The following PCDHA10 variants were observed in gnomAD, a reference collection of about 807,000 sequenced individuals.
The protein encoded by PCDHA10 is protocadherin alpha 10, also known as protocadherin alpha-10.
PCDHA10 carries 45 observed loss-of-function variants against 61.2 expected under a neutral mutation model. The observed-to-expected ratio is 0.74, with a 90% CI of 0.58 to 0.94. The LOEUF (loss-of-function observed/expected upper bound fraction) is 0.94, where lower values mean the gene tolerates loss of function less well. PCDHA10 is among the 40% of genes least tolerant of loss of function. The probability of loss-of-function intolerance (pLI) is 0.00; values close to 1 mark genes in which losing one functional copy is unlikely to be tolerated. For missense variants in PCDHA10, 1,278 were observed against 1,236.2 expected (o/e 1.03, Z -0.51); for synonymous variants, 602 against 548.8 (o/e 1.10, Z -1.35).
chr5:140,858,305 C>A lies in PCDHA10; in HGVS notation c.2257C>A (p.Arg753=). Residue 753 remains arginine, a synonymous_variant, in exon 1 of 4, where the codon CGG becomes AGG. Coordinates refer to ENST00000307360, the MANE Select transcript of PCDHA10 (RefSeq NM_018901.4). ...GAGCTGGTCTTACTCGCAGCAGAGG[C>A]GGCAGAGGGTGTGTTCTGGGGAGGG... ...VGSWSYSQQR[R]QRVCSGEGLP... 6.3e-7 allele frequency: 1 copy of A among 1,597,172 alleles called. No homozygotes were observed.
intron 1 of PCDHA10, among the ~76,000 whole-genome samples, chr5:140,896,197 T>G (rs911999135): frequency 2.0e-5 from 3 of 152,280 alleles, no homozygotes; most frequent in Non-Finnish European, 2.9e-5. Flanking sequence ...AGTGCCATGA[T>G]GAACATACAC....
intron 1 of PCDHA10, among the ~76,000 whole-genome samples, chr5:140,911,609 C>T (rs1554194830): frequency 6.6e-6 from 1 of 152,170 alleles, no homozygotes; most frequent in Non-Finnish European, 1.5e-5. Flanking sequence ...TCATTATGTT[C>T]CTTAGTTCCC....
At position 140,883,117 on chromosome 5, in the gene PCDHA10, G is replaced by T. The variant is rs782191143; in HGVS notation, c.2388+24681G>T. Reference sequence around the variant, plus strand: ...GAGATATAGTTTACTCATTTAGAAGGCCTGTATGGCCTGCAGTGGTATATG... The same window carrying T: ...GAGATATAGTTTACTCATTTAGAAGTCCTGTATGGCCTGCAGTGGTATATG... On this transcript the variant is annotated intron_variant, in intron 1 of 3. Transcript: ENST00000307360. 2.5e-6 allele frequency: 4 copies of T among 1,613,898 alleles called. No homozygotes were observed. Among genetic ancestry groups the T allele is most frequent in the Admixed American group, 3.3e-5 (2 of 59,964 alleles).
intron 1 of PCDHA10, among the ~76,000 whole-genome samples, chr5:140,921,337 C>T (rs1339756681): frequency 6.6e-6 from 1 of 152,082 alleles, no homozygotes; most frequent in Non-Finnish European, 1.5e-5. Flanking sequence ...GGTCCAATCA[C>T]ATAATATATT....
intron 1 of PCDHA10, among the ~76,000 whole-genome samples, chr5:140,976,681 A>T (rs2096726641): frequency 6.6e-6 from 1 of 152,206 alleles, no homozygotes; most frequent in Non-Finnish European, 1.5e-5. Context: ...TCATTTTTGC[A>T]ATTTAAGTAC....
Position 140,884,627 on chromosome 5 carries a change from G to C in PCDHA10, c.2388+26191G>C, listed in dbSNP as rs140550923. On this transcript the variant is annotated intron_variant, in intron 1 of 3. Transcript: ENST00000307360. ...TTGTCTGGGTTCTGCAGAGGGAACA[G>C]GCCAGAGGGAGGAGGACTCAGAATG... The C allele has an allele frequency of 4.8e-5, 77 of 1,612,780 alleles. No individual in the cohort carries two copies. In the African/African-American group the frequency reaches 8.8e-4, roughly 18 times the overall value.
At chr5:140,915,264 G>A (rs536821921) in intron 1 of PCDHA10, among the ~76,000 whole-genome samples, 9 of 151,876 alleles carry the variant, frequency 5.9e-5, no homozygotes, top group Non-Finnish European at 1.3e-4. Context: ...TATTATTTTT[G>A]ACCAGTTCAT....
chr5:140,928,081 C>T (rs782268064), intron 1 of PCDHA10: 1 of 1,614,090 alleles, frequency 6.2e-7, no homozygotes, highest in Non-Finnish European at 8.5e-7. Context: ...CTACTACAGC[C>T]TGCTGATTGA....
intron 1 of PCDHA10, among the ~76,000 whole-genome samples, chr5:140,885,615 AAT>A (rs1411025177): frequency 6.6e-6 from 1 of 152,162 alleles, no homozygotes; most frequent in African/African-American, 2.4e-5. Context: ...TTAATTATAA[AAT>A]ATGTCACTGG....
At chr5:140,970,920 G>A (rs957123423) in intron 1 of PCDHA10, among the ~76,000 whole-genome samples, 2 of 152,266 alleles carry the variant, frequency 1.3e-5, no homozygotes, top group Non-Finnish European at 2.9e-5. Flanking sequence ...TTTATCAGAA[G>A]TGCCTGGTGT....
chr5:140,941,185 C>CTTT (rs782102770), intron 1 of PCDHA10, among the ~76,000 whole-genome samples: 77 of 102,238 alleles, frequency 7.5e-4, no homozygotes, highest in Admixed American at 3.0e-3. Flanking sequence ...CATCCTGCTT[C>CTTT]TTTTTTTTTC....
At chr5:140,928,855 C>T (rs781997277) in intron 1 of PCDHA10, 1 of 1,614,184 alleles carries the variant, frequency 6.2e-7, no homozygotes, top group Non-Finnish European at 8.5e-7. Context: ...TCTGGGTGTG[C>T]TGTTGAGCAA....
intron 1 of PCDHA10, among the ~76,000 whole-genome samples, chr5:140,960,655 T>C (rs2153725891): frequency 6.6e-6 from 1 of 152,296 alleles, no homozygotes; most frequent in East Asian, 1.9e-4. Context: ...TCCAAATCAA[T>C]GAATGCTTTG....
At chr5:140,941,214 C>CCTTTCTTTCTTCCTTTCTTT (rs2092876516) in intron 1 of PCDHA10, among the ~76,000 whole-genome samples, 18 of 122,412 alleles carry the variant, frequency 1.5e-4, no homozygotes, top group Non-Finnish European at 2.9e-4. Context: ...TTTCTTTCTT[C>CCTTTCTTTCTTCCTTTCTTT]CTTTCTTTCT....
chr5:140,856,465 C>G lies in PCDHA10; in HGVS notation c.417C>G (p.Leu139=), dbSNP rs2044013823. The part of the protein sequence containing the change: ...PPRFSVTEQK[L]SIPESRLLDS... ...GGTTCTCCGTAACAGAACAAAAGCT[C>G]TCAATACCTGAATCCAGACTGCTTG... Residue 139 remains leucine (L), a synonymous_variant, in exon 1 of 4, where the codon CTC becomes CTG. Transcript: ENST00000307360. 1 of 1,598,234 alleles carries G rather than the reference C, an allele frequency of 6.3e-7. No individual in the cohort carries two copies. The highest frequency in any genetic ancestry group is 8.6e-7 in the Non-Finnish European group (1 of 1,167,922).
At chr5:140,942,580 G>A (rs782743450) in intron 1 of PCDHA10, among the ~76,000 whole-genome samples, 4 of 151,104 alleles carry the variant, frequency 2.6e-5, no homozygotes, top group Non-Finnish European at 5.9e-5. Flanking sequence ...TCCCATATAG[G>A]ATGTCACATA....
intron 1 of PCDHA10, among the ~76,000 whole-genome samples, chr5:140,879,542 GA>G (rs1281717017): frequency 6.6e-6 from 1 of 152,104 alleles, no homozygotes; most frequent in African/African-American, 2.4e-5. Context: ...CTCCTTTAGA[GA>G]AAAAAATAAT....
At chr5:140,920,794 A>G (rs1433275588) in intron 1 of PCDHA10, among the ~76,000 whole-genome samples, 2 of 151,776 alleles carry the variant, frequency 1.3e-5, no homozygotes, top group Admixed American at 6.6e-5. Flanking sequence ...CAGGGAACCA[A>G]GATCACGCCA....
Position 140,876,841 on chromosome 5 carries a change from C to T in PCDHA10, c.2388+18405C>T, listed in dbSNP as rs782712356. ...GAACGACAATGCGCCTGCGTTCGCGCAGCCCGAGTACACAGTGTTCGTGAA... is the reference window on the plus strand; with the variant it reads ...GAACGACAATGCGCCTGCGTTCGCGTAGCCCGAGTACACAGTGTTCGTGAA... On this transcript the variant is annotated intron_variant, in intron 1 of 3. Transcript: ENST00000307360. 4.3e-6 allele frequency: 7 copies of T among 1,614,130 alleles called. No homozygotes were observed. In the South Asian group the frequency reaches 7.7e-5, roughly 18 times the overall value.
Sources: allele counts gnomAD v4.1 joint callset (sites outside exome capture counted in the v4.1 genomes callset), GRCh38; gene constraint gnomAD v4.1.1; transcripts MANE v1.5; gene names NCBI Gene and HGNC (gene_info 2026-07-23, HGNC 2026-07-21).